The following DNMT1 variants were observed in gnomAD, a reference collection of about 807,000 sequenced individuals.
DNMT1 encodes DNA (cytosine-5)-methyltransferase 1.
Under a neutral mutation model 205.3 loss-of-function variants are expected in DNMT1, and 24 were observed. The ratio of observed to expected loss-of-function variants is 0.12; its 90% confidence interval spans 0.08 to 0.16. The LOEUF is 0.16. Ranked by LOEUF, DNMT1 falls within the 10% of genes least tolerant of loss-of-function variation. DNMT1 has a pLI of 1.00. For synonymous variants in DNMT1, 817 were observed against 839.8 expected, an observed-to-expected ratio of 0.97 and a Z score of 0.47; for missense variants, 1,293 against 2,177.7, an observed-to-expected ratio of 0.59 and a Z score of 8.09.
In DNMT1 at chr19:10,142,237, C is replaced by T. The variant is rs749225184; in HGVS notation, c.3117-17G>A. On this transcript the variant is annotated splice_polypyrimidine_tract_variant and intron_variant, in intron 29 of 40. Coordinates refer to ENST00000359526, the MANE Select transcript of DNMT1 (RefSeq NM_001130823.3). ...TTCTCAGGCCTGCGAGCGGGAGAGG[C>T]CTCGTTAGGAGCTCTCCTTTGTGGT... The T allele has an allele frequency of 6.2e-7, 1 of 1,613,732 alleles. No individual in the cohort carries two copies. The highest frequency in any genetic ancestry group is 1.1e-5 in the South Asian group (1 of 91,086).
At chr19:10,168,972 A>G (rs10422286) in intron 9 of DNMT1, among the ~76,000 whole-genome samples, 20,331 of 152,046 alleles carry the variant, frequency 0.13, 1,955 homozygotes, top group East Asian at 0.4. Context: ...CAAGTAGCTG[A>G]GTTTACAGGC....
Position 10,146,617 on chromosome 19 carries a change from A to T in DNMT1, c.2721-93T>A. The T allele has an allele frequency of 6.6e-7, 1 of 1,522,830 alleles. No individual in the cohort carries two copies. Among genetic ancestry groups the T allele is most frequent in the Non-Finnish European group, 9.0e-7 (1 of 1,115,792 alleles). 94.3% of individuals were successfully genotyped at this position (1,522,830 alleles called of 1,614,324 possible). ...CCAGCTTAATCCAGAGACTCTGGTAACCAAGAGGAAAAAACATTTGCAGAT... is the reference window on the plus strand; with the variant it reads ...CCAGCTTAATCCAGAGACTCTGGTATCCAAGAGGAAAAAACATTTGCAGAT... On this transcript the variant is annotated intron_variant, in intron 27 of 40. Transcript: ENST00000359526. This position sits in a 1 kb window ranked among gnomAD's most constrained non-coding sequence, Gnocchi z 4.4.
At chr19:10,141,940 C>A in intron 30 of DNMT1, 88 bp downstream of exon 30, 2 of 1,506,410 alleles carry the variant, frequency 1.3e-6, no homozygotes, top group Non-Finnish European at 9.0e-7. Flanking sequence ...AACCCTGCAG[C>A]CAAGCCGCCT....
chr19:10,173,562 G>A (rs1228417502), intron 8 of DNMT1, among the ~76,000 whole-genome samples: 4 of 150,574 alleles, frequency 2.7e-5, no homozygotes, highest in Non-Finnish European at 5.9e-5. Flanking sequence ...AATGATCTCA[G>A]ATCACTGCAG....
chr19:10,181,029 A>G, intron 2 of DNMT1, 144 bp from the exon 3 acceptor site: 1 of 725,542 alleles, frequency 1.4e-6, no homozygotes, highest in Non-Finnish European at 2.4e-6. Context: ...CTAAACAGTC[A>G]TGAAATGTGT....
In DNMT1 at chr19:10,137,750, T is replaced by C. The variant is rs2089519171; in HGVS notation, c.4293+82A>G. 2.6e-6 allele frequency: 4 copies of C among 1,540,584 alleles called. No homozygotes were observed. In the Admixed American group the frequency reaches 7.6e-5, roughly 29 times the overall value. On this transcript the variant is annotated intron_variant, in intron 36 of 40. Coordinates refer to ENST00000359526, the MANE Select transcript of DNMT1 (RefSeq NM_001130823.3). This position sits in a 1 kb window ranked among gnomAD's most constrained non-coding sequence, Gnocchi z 6.4. ...CTGGGATCAGATTCCATGTCTCCCC[T>C]GAGTCTTGGGCAGGCTGACTGTTCC...
chr19:10,137,447 G>C lies in DNMT1; in HGVS notation c.4294-167C>G. On this transcript the variant is annotated intron_variant, in intron 36 of 40. Coordinates refer to ENST00000359526, the MANE Select transcript of DNMT1 (RefSeq NM_001130823.3). The surrounding 1 kb of genome is among the most constrained non-coding windows in gnomAD (Gnocchi z 6.4). The stretch of plus-strand genomic sequence containing the variant: ...TCGCACTTGGCTCGAGGCCACGGCA[G>C]GGACCTGAGGCAGCGCAGGTGTAGG... The C allele has an allele frequency of 1.2e-6, 1 of 825,008 alleles. No individual in the cohort carries two copies. Among genetic ancestry groups the C allele is most frequent in the Non-Finnish European group, 1.9e-6 (1 of 526,880 alleles). The allele number at this position is 825,008 out of a possible 1,614,324, so 51.1% of individuals were successfully genotyped here. A position where few individuals can be genotyped will look rare whatever the true frequency, so the allele number is the denominator to read the frequency against.
chr19:10,152,936 CAA>C lies in DNMT1; in HGVS notation c.2020-1091_2020-1090del, dbSNP rs34698448. Among the ~76,000 whole-genome samples the C allele has an allele frequency of 4.6e-3, 337 of 72,560 alleles. 2 individuals carry two copies. Among genetic ancestry groups the C allele is most frequent in the African/African-American group, 0.014 (304 of 22,244 alleles). 47.6% of individuals were successfully genotyped at this position (72,560 alleles called of 152,430 possible). A position where few individuals can be genotyped will look rare whatever the true frequency, so the allele number is the denominator to read the frequency against. On this transcript the variant is annotated intron_variant, in intron 22 of 40. Coordinates refer to ENST00000359526, the MANE Select transcript of DNMT1 (RefSeq NM_001130823.3). ...GCAACACAGCAGGACCCTGTCTCTA[CAA>C]AAAAAAAAAAAAAAAGCAATATTCA...
intron 6 of DNMT1, 80 bp from the exon 7 acceptor site, chr19:10,175,698 CAGGA>C: frequency 7.4e-7 from 1 of 1,359,808 alleles, no homozygotes; most frequent in Non-Finnish European, 1.1e-6. Context: ...CCTCATTCAC[CAGGA>C]TGTTGAAAGA....
chr19:10,180,665 T>C, intron 3 of DNMT1, 96 bp from the exon 4 acceptor site: 1 of 1,472,270 alleles, frequency 6.8e-7, no homozygotes. Flanking sequence ...ATCATCATCA[T>C]CATCATCATC....
chr19:10,143,849 C>T lies in DNMT1; in HGVS notation c.3033G>A (p.Arg1011=). ...TCTTGGGACAGAAGATCTCTTTGAT[C>T]CGGCCAATTCGGTAGGGCTCAGGGG... ...LDAPEPYRIG[R]IKEIFCPKKS... is the part of the protein sequence containing the mutation. The change falls in exon 29 of 41, where the codon CGG becomes CGA. Residue 1011 remains arginine, a synonymous_variant. Transcript: ENST00000359526. 1 of 1,614,132 alleles carries T rather than the reference C, an allele frequency of 6.2e-7. No individual in the cohort carries two copies. The highest frequency in any genetic ancestry group is 8.5e-7 in the Non-Finnish European group (1 of 1,180,034).
intron 19 of DNMT1, among the ~76,000 whole-genome samples, chr19:10,155,492 C>T (rs1378021530): frequency 6.6e-6 from 1 of 152,140 alleles, no homozygotes; most frequent in Non-Finnish European, 1.5e-5. Flanking sequence ...TATGCACCAC[C>T]ATGCGTGGCT....
Position 10,159,214 on chromosome 19 carries a change from A to C in DNMT1, c.1280+444T>G, listed in dbSNP as rs2038517047. ...AGCAAAGCTCTATTGTCCCTTCATC[A>C]GCTTTCCACGTGGCTCTTTGAGACG... On this transcript the variant is annotated intron_variant, in intron 17 of 40. Transcript: ENST00000359526. The surrounding 1 kb of genome is among the most constrained non-coding windows in gnomAD (Gnocchi z 5.0). 6.6e-6 allele frequency among the ~76,000 whole-genome samples: 1 copy of C among 152,142 alleles called. No individual in the cohort carries two copies. The highest frequency in any genetic ancestry group is 1.5e-5 in the Non-Finnish European group (1 of 68,034).
intron 7 of DNMT1, 64 bp downstream of exon 7, chr19:10,175,476 G>A: frequency 6.3e-7 from 1 of 1,586,436 alleles, no homozygotes; most frequent in Non-Finnish European, 8.7e-7. Context: ...GAACACATAT[G>A]AAGTCACAAT....
intron 1 of DNMT1, among the ~76,000 whole-genome samples, chr19:10,188,948 C>T (rs1325854054): frequency 6.6e-6 from 1 of 152,138 alleles, no homozygotes; most frequent in Non-Finnish European, 1.5e-5. Flanking sequence ...CAGATTCTCC[C>T]CTGGAGCCCC....
intron 27 of DNMT1, among the ~76,000 whole-genome samples, chr19:10,148,116 CAAAAAA>C (rs35310173): frequency 1.7e-5 from 1 of 59,280 alleles, no homozygotes; most frequent in Non-Finnish European, 3.1e-5. Context: ...AACTCTGTCT[CAAAAAA>C]AAAAAAAAAA....
chr19:10,153,317 G>GT (rs2038387789), intron 22 of DNMT1, among the ~76,000 whole-genome samples: 1 of 152,052 alleles, frequency 6.6e-6, no homozygotes, highest in Admixed American at 6.6e-5. Flanking sequence ...GTATCAACAC[G>GT]TAACAGTTAC....
chr19:10,150,207 C>T (rs1381620823), intron 24 of DNMT1, among the ~76,000 whole-genome samples: 1 of 152,228 alleles, frequency 6.6e-6, no homozygotes, highest in Non-Finnish European at 1.5e-5. Context: ...CCTCCCACTT[C>T]TGCTCTGCCA....
In DNMT1 at chr19:10,159,890, C is replaced by A; in HGVS notation, c.1122G>T (p.Gln374His). Residue 374 changes from glutamine (Q) to histidine (H), a missense_variant, in exon 16 of 41, where the codon CAG becomes CAT. By Grantham distance (24) the Gln-to-His change is conservative. Coordinates refer to ENST00000359526, the MANE Select transcript of DNMT1 (RefSeq NM_001130823.3). The surrounding 1 kb of genome is among the most constrained non-coding windows in gnomAD (Gnocchi z 5.0). ...THPPKCIQCG[Q>H]YLDDPDLKYG... is the part of the protein sequence containing the mutation. Reference sequence around the variant, plus strand: ...ATTTGAGGTCAGGGTCGTCCAGGTACTGCCCGCACTGAATGCACTTGGGAG... The same window carrying A: ...ATTTGAGGTCAGGGTCGTCCAGGTAATGCCCGCACTGAATGCACTTGGGAG... The A allele has an allele frequency of 6.2e-7, 1 of 1,614,204 alleles. No homozygotes were observed.
Sources: allele counts gnomAD v4.1 joint callset (sites outside exome capture counted in the v4.1 genomes callset), GRCh38; gene constraint gnomAD v4.1.1; non-coding constraint Gnocchi (gnomAD v3.1); transcripts MANE v1.5; gene names NCBI Gene and HGNC (gene_info 2026-07-23, HGNC 2026-07-21).